The following SOBP variants were observed in gnomAD, a reference collection of about 807,000 sequenced individuals.
The protein encoded by SOBP is sine oculis-binding protein homolog.
SOBP carries 4 observed loss-of-function variants against 53.6 expected under a neutral mutation model. The ratio of observed to expected loss-of-function variants is 0.07; its 90% confidence interval spans 0.04 to 0.17. SOBP has a LOEUF of 0.17. Ranked by LOEUF, SOBP falls within the 10% of genes least tolerant of loss-of-function variation. The probability of loss-of-function intolerance (pLI) is 1.00; values close to 1 mark genes in which losing one functional copy is unlikely to be tolerated. For missense variants in SOBP, 1,088 were observed against 1,204.7 expected, an observed-to-expected ratio of 0.90 and a Z score of 1.43; for synonymous variants, 584 against 522.6, an observed-to-expected ratio of 1.12 and a Z score of -1.60.
chr6:107,592,912 AG>A (rs954573886), intron 5 of SOBP, among the ~76,000 whole-genome samples: 3 of 152,224 alleles, frequency 2.0e-5, no homozygotes, highest in Non-Finnish European at 4.4e-5. Flanking sequence ...AGACTAAGCA[AG>A]AGGCAGTTCT....
chr6:107,532,289 C>G (rs978421693), intron 3 of SOBP, among the ~76,000 whole-genome samples: 1 of 151,542 alleles, frequency 6.6e-6, no homozygotes, highest in Non-Finnish European at 1.5e-5. Flanking sequence ...CACACACACA[C>G]AGTCACTATC....
intron 5 of SOBP, 48 bp downstream of exon 5, chr6:107,587,223 G>GTAACAGTTTT: frequency 1.3e-6 from 2 of 1,487,670 alleles, no homozygotes; most frequent in Non-Finnish European, 1.9e-6. Flanking sequence ...CTTTAGCACA[G>GTAACAGTTTT]TGAAAACAGT....
At position 107,634,129 on chromosome 6, in the gene SOBP, C is replaced by A; in HGVS notation, c.1285C>A (p.Pro429Thr). ...CAACCCCAACAGCCCCCTGTCCAAC[C>A]CCATGCTTCCCGGCATCGGGCCCCC... ...ASNPNSPLSNPMLPGIGPPPG... is the reference protein window; with the variant it reads ...ASNPNSPLSNTMLPGIGPPPG... The change falls in exon 6 of 7, where the codon CCC becomes ACC. Residue 429 changes from proline to threonine, a missense_variant. Coordinates refer to ENST00000317357, the MANE Select transcript of SOBP (RefSeq NM_018013.4). This position sits in a 1 kb window ranked among gnomAD's most constrained non-coding sequence, Gnocchi z 4.5. The A allele has an allele frequency of 6.2e-7, 1 of 1,610,368 alleles. No individual in the cohort carries two copies. Among genetic ancestry groups the A allele is most frequent in the South Asian group, 1.1e-5 (1 of 90,352 alleles).
chr6:107,506,690 T>C (rs1393476865), intron 3 of SOBP, among the ~76,000 whole-genome samples: 1 of 152,126 alleles, frequency 6.6e-6, no homozygotes, highest in Non-Finnish European at 1.5e-5. Context: ...TTATTTTCCT[T>C]CTCTGAAATC....
chr6:107,579,548 G>A (rs1016153051), intron 4 of SOBP, among the ~76,000 whole-genome samples: 1 of 152,204 alleles, frequency 6.6e-6, no homozygotes, highest in African/African-American at 2.4e-5. Flanking sequence ...TGTGGAAGCT[G>A]TATTTCAGGC....
intron 5 of SOBP, among the ~76,000 whole-genome samples, chr6:107,603,856 G>A (rs1786272509): frequency 6.6e-6 from 1 of 152,130 alleles, no homozygotes; most frequent in Non-Finnish European, 1.5e-5. Context: ...GAAAACGAAG[G>A]GGAAGGAAAT....
intron 4 of SOBP, among the ~76,000 whole-genome samples, chr6:107,537,770 T>A (rs1038023153): frequency 1.3e-5 from 2 of 149,216 alleles, no homozygotes; most frequent in Non-Finnish European, 3.0e-5. Context: ...CAGTGAGCCA[T>A]GACTGTGCCA....
At chr6:107,533,061 T>G (rs1299345584) in intron 3 of SOBP, among the ~76,000 whole-genome samples, 1 of 152,026 alleles carries the variant, frequency 6.6e-6, no homozygotes, top group Non-Finnish European at 1.5e-5. Flanking sequence ...CTACAAATTG[T>G]CCCACCCAGT....
chr6:107,602,582 A>AAAAAAAAAAC lies in SOBP; in HGVS notation c.669+15412_669+15413insAAAACAAAAA, dbSNP rs1387440511. ...CTAAGCCGCGTTAAAAAAAAAAAAA[A>AAAAAAAAAAC]AAAAAGGAAAGGGAAAGGAAAGGAA... On this transcript the variant is annotated intron_variant, in intron 5 of 6. Coordinates refer to ENST00000317357, the MANE Select transcript of SOBP (RefSeq NM_018013.4). 1.6e-4 allele frequency among the ~76,000 whole-genome samples: 24 copies of AAAAAAAAAAC among 151,906 alleles called. No individual in the cohort carries two copies. The East Asian group carries it at 4.5e-3, about 28-fold the overall frequency.
intron 4 of SOBP, among the ~76,000 whole-genome samples, chr6:107,575,733 T>TAAG (rs1162053623): frequency 6.6e-6 from 1 of 152,016 alleles, no homozygotes; most frequent in Non-Finnish European, 1.5e-5. Flanking sequence ...ATAATAATAA[T>TAAG]AATAAGAAGA....
At position 107,634,688 on chromosome 6, in the gene SOBP, A is replaced by G. The variant is rs1770916466; in HGVS notation, c.1844A>G (p.His615Arg). The part of the protein sequence containing the change: ...ALSLAPTPAE[H>R]GRSEVVDLTR... ...AGCCTGGCGCCCACGCCCGCCGAGC[A>G]TGGCCGGAGCGAGGTGGTGGACCTG... Residue 615 changes from histidine to arginine, a missense_variant, in exon 6 of 7, where the codon CAT (histidine) becomes CGT (arginine). By Grantham distance (29) the His-to-Arg change is conservative (BLOSUM62 0). This residue lies in a region of SOBP where 665 missense variants were observed against 629.7 expected (regional missense o/e 1.06). Coordinates refer to ENST00000317357, the MANE Select transcript of SOBP (RefSeq NM_018013.4). The surrounding 1 kb of genome is among the most constrained non-coding windows in gnomAD (Gnocchi z 4.5). The G allele has an allele frequency of 6.6e-7, 1 of 1,525,114 alleles. No homozygotes were observed. The highest frequency in any genetic ancestry group is 1.4e-5 in the African/African-American group (1 of 71,502). 94.5% of individuals were successfully genotyped at this position (1,525,114 alleles called of 1,614,324 possible).
At chr6:107,639,276 G>A (rs936194249) in intron 6 of SOBP, among the ~76,000 whole-genome samples, 1 of 152,130 alleles carries the variant, frequency 6.6e-6, no homozygotes, top group East Asian at 1.9e-4. Context: ...AGCAACCGAG[G>A]CAGCTACAGT....
At chr6:107,532,354 A>G (rs1163062871) in intron 3 of SOBP, among the ~76,000 whole-genome samples, 10 of 151,956 alleles carry the variant, frequency 6.6e-5, no homozygotes. Flanking sequence ...AGAGGCAACA[A>G]GGAAATATTA....
chr6:107,503,482 C>G (rs1782896277), intron 1 of SOBP, among the ~76,000 whole-genome samples, 175 bp from the exon 2 acceptor site: 3 of 152,156 alleles, frequency 2.0e-5, no homozygotes, highest in South Asian at 2.1e-4. Context: ...ATGCATCATC[C>G]TAAGATTTAA....
intron 1 of SOBP, among the ~76,000 whole-genome samples, chr6:107,493,846 A>G (rs544986596): frequency 1.3e-5 from 2 of 152,348 alleles, no homozygotes; most frequent in African/African-American, 4.8e-5. Flanking sequence ...GAGTGTCTTC[A>G]TGTGGCTGAG....
rs761620148 is a variant in SOBP, at chr6:107,633,725, T to C, written c.881T>C (p.Leu294Pro). The C allele has an allele frequency of 6.2e-7, 1 of 1,614,244 alleles. No individual in the cohort carries two copies. Among genetic ancestry groups the C allele is most frequent in the South Asian group, 1.1e-5 (1 of 91,088 alleles). The change falls in exon 6 of 7, where the codon CTG becomes CCG. Residue 294 changes from leucine to proline, a missense_variant. By Grantham distance (98) the Leu-to-Pro change is moderately conservative. Transcript: ENST00000317357. ...ENKAEGTGVQLLTPDSWNIPL... is the reference protein window; with the variant it reads ...ENKAEGTGVQPLTPDSWNIPL... ...AAAGCAGAAGGCACCGGGGTGCAGC[T>C]GCTCACTCCAGACTCTTGGAATATC...
At chr6:107,633,381 A>G in intron 5 of SOBP, 133 bp from the exon 6 acceptor site, 1 of 1,130,442 alleles carries the variant, frequency 8.8e-7, no homozygotes, top group Non-Finnish European at 1.3e-6. Flanking sequence ...TTTACCTTTT[A>G]GAAGGAAACA....
chr6:107,533,664 C>T (rs566356346), intron 4 of SOBP, 54 bp downstream of exon 4: 25 of 1,607,390 alleles, frequency 1.6e-5, no homozygotes, highest in Middle Eastern at 3.3e-4. Flanking sequence ...AGCCCACACG[C>T]GCATGTGCCT....
At chr6:107,596,061 C>A (rs1314349232) in intron 5 of SOBP, among the ~76,000 whole-genome samples, 2 of 152,190 alleles carry the variant, frequency 1.3e-5, no homozygotes, top group African/African-American at 4.8e-5. Flanking sequence ...TACTCATTCT[C>A]TTTTAATTCC....
Sources: gnomAD v4.1 joint callset for allele counts (sites outside exome capture counted in the v4.1 genomes callset) on GRCh38, gnomAD v4.1.1 for gene constraint, gnomAD v4.1.1 regional missense constraint, Gnocchi (gnomAD v3.1) non-coding constraint, MANE v1.5 for transcripts, NCBI Gene and HGNC (gene_info 2026-07-23, HGNC 2026-07-21) for gene names.